TBC1D22A: variants seen among roughly 807,000 people sequenced by gnomAD.
The protein encoded by TBC1D22A is putative GTPase activator.
TBC1D22A carries 38 observed loss-of-function variants against 60.2 expected under a neutral mutation model. That is an observed-to-expected ratio of 0.63 (90% CI 0.49 to 0.83). The LOEUF is 0.83. Ranked by LOEUF, TBC1D22A falls within the 40% of genes least tolerant of loss-of-function variation. The probability of loss-of-function intolerance (pLI) is 0.00; values close to 1 mark genes in which losing one functional copy is unlikely to be tolerated. For synonymous variants in TBC1D22A, 302 were observed against 281.7 expected (o/e 1.07, Z -0.72); for missense variants, 628 against 701.0 (o/e 0.90, Z 1.18).
intron 11 of TBC1D22A, among the ~76,000 whole-genome samples, chr22:47,093,055 C>T (rs2065039126): frequency 6.6e-6 from 1 of 152,200 alleles, no homozygotes; most frequent in Non-Finnish European, 1.5e-5. Flanking sequence ...GTTAATCCTT[C>T]TTGCAACTTA....
intron 11 of TBC1D22A, among the ~76,000 whole-genome samples, chr22:47,099,458 T>G (rs1403090840): frequency 4.0e-5 from 6 of 150,988 alleles, no homozygotes; most frequent in Non-Finnish European, 8.9e-5. Flanking sequence ...TTGTTTTTTT[T>G]TTTTGAAACG....
chr22:47,075,081 C>T (rs773208440), intron 11 of TBC1D22A, among the ~76,000 whole-genome samples: 59 of 152,098 alleles, frequency 3.9e-4, no homozygotes, highest in Middle Eastern at 3.4e-3. Context: ...AAATTAGCCA[C>T]GCATGTTGGC....
At chr22:46,976,817 C>T (rs550511382) in intron 9 of TBC1D22A, among the ~76,000 whole-genome samples, 16 of 152,308 alleles carry the variant, frequency 1.1e-4, no homozygotes, top group South Asian at 8.3e-4. Context: ...GTTTGTTCAT[C>T]GGCTCTGTGG....
At chr22:47,037,225 A>AT (rs2062684848) in intron 11 of TBC1D22A, 27 bp downstream of exon 11, 8 of 1,610,168 alleles carry the variant, frequency 5.0e-6, no homozygotes, top group Non-Finnish European at 6.8e-6. Context: ...ACCCTCCGCC[A>AT]TGGGGGTGCC....
chr22:46,830,203 A>T (rs541983077), intron 4 of TBC1D22A, among the ~76,000 whole-genome samples: 1 of 152,296 alleles, frequency 6.6e-6, no homozygotes, highest in South Asian at 2.1e-4. Flanking sequence ...GAGGCGAGTG[A>T]CTGGAGGCAG....
In TBC1D22A at chr22:47,111,501, C is replaced by G. The variant is rs1443980636; in HGVS notation, c.1330-7C>G. ...AATTTCTCTCTTGGTTATTTTTTCT[C>G]TTTTAGTCTGAACCGGACGGCTTTT... is the stretch of plus-strand genomic sequence containing the variant. On this transcript the variant is annotated splice_region_variant and splice_polypyrimidine_tract_variant and intron_variant, in intron 11 of 12. Coordinates refer to ENST00000337137, the MANE Select transcript of TBC1D22A (RefSeq NM_014346.5). 2.5e-6 allele frequency: 4 copies of G among 1,611,086 alleles called. No individual in the cohort carries two copies. The African/African-American group carries it at 5.4e-5, about 22-fold the overall frequency.
chr22:46,942,052 C>G (rs2072205783), intron 8 of TBC1D22A, among the ~76,000 whole-genome samples: 1 of 147,394 alleles, frequency 6.8e-6, no homozygotes, highest in Admixed American at 6.8e-5. Context: ...ACACAGTCCA[C>G]CCTTGAACAG....
intron 12 of TBC1D22A, among the ~76,000 whole-genome samples, chr22:47,169,958 C>T (rs1003867135): frequency 5.9e-5 from 9 of 152,188 alleles, no homozygotes; most frequent in Non-Finnish European, 1.3e-4. Context: ...TGAATGTGAC[C>T]GAGGGATGGC....
intron 4 of TBC1D22A, among the ~76,000 whole-genome samples, chr22:46,817,214 A>G (rs1248223167): frequency 6.6e-6 from 1 of 151,536 alleles, no homozygotes; most frequent in African/African-American, 2.4e-5. Flanking sequence ...GATGAGTCCA[A>G]TTCCCTATTC....
chr22:46,913,522 C>T, intron 8 of TBC1D22A: 2 of 1,273,750 alleles, frequency 1.6e-6, no homozygotes, highest in East Asian at 5.6e-5. Context: ...CATTGCTAAG[C>T]AACTAATGAG....
chr22:46,932,068 G>A (rs1370858033), intron 8 of TBC1D22A, among the ~76,000 whole-genome samples: 1 of 152,218 alleles, frequency 6.6e-6, no homozygotes, highest in East Asian at 1.9e-4. Flanking sequence ...CCTGGCTCAT[G>A]CATGCCCCCA....
intron 11 of TBC1D22A, among the ~76,000 whole-genome samples, chr22:47,105,700 T>C (rs1603274067): frequency 6.6e-6 from 1 of 152,252 alleles, no homozygotes; most frequent in Non-Finnish European, 1.5e-5. Context: ...TTTGGTTTAA[T>C]GTAGTCTGGG....
chr22:47,056,811 A>C (rs555659284), intron 11 of TBC1D22A, among the ~76,000 whole-genome samples: 3 of 152,204 alleles, frequency 2.0e-5, no homozygotes, highest in Admixed American at 2.0e-4. Context: ...CAGGTTTCCT[A>C]GGGTGGTGGT....
At chr22:46,875,159 A>G (rs182454857) in intron 4 of TBC1D22A, among the ~76,000 whole-genome samples, 2 of 152,346 alleles carry the variant, frequency 1.3e-5, no homozygotes, top group East Asian at 3.9e-4. Context: ...CAGAAGTCTA[A>G]GAATGGGTGA....
At chr22:47,157,283 G>A (rs1439591857) in intron 12 of TBC1D22A, among the ~76,000 whole-genome samples, 1 of 152,232 alleles carries the variant, frequency 6.6e-6, no homozygotes, top group Non-Finnish European at 1.5e-5. Flanking sequence ...GTGAAGCCCT[G>A]TGGGACAGAG....
chr22:47,064,521 A>G lies in TBC1D22A; in HGVS notation c.1329+27323A>G, dbSNP rs181468845. Among the ~76,000 whole-genome samples the G allele has an allele frequency of 1.7e-4, 26 of 152,328 alleles. No homozygotes were observed. In the East Asian group the frequency reaches 5.0e-3, roughly 29 times the overall value. ...TGGTAGTACATTTTCAGAAAACATT[A>G]TTCCTTTTCTTACTGCTGCGAATGC... On this transcript the variant is annotated intron_variant, in intron 11 of 12. Transcript: ENST00000337137.
In TBC1D22A at chr22:47,070,318, A is replaced by G. The variant is rs2147506085; in HGVS notation, c.1329+33120A>G. Reference sequence around the variant, plus strand: ...GGAGCGGAGCTGACTTGATGGTTCCAGGCTGTTCCCTGTTGTTTGGTTGGA... The same window carrying G: ...GGAGCGGAGCTGACTTGATGGTTCCGGGCTGTTCCCTGTTGTTTGGTTGGA... On this transcript the variant is annotated intron_variant, in intron 11 of 12. Coordinates refer to ENST00000337137, the MANE Select transcript of TBC1D22A (RefSeq NM_014346.5). Among the ~76,000 whole-genome samples the G allele has an allele frequency of 1.4e-5, 2 of 145,580 alleles. 1 individual carries two copies. Among genetic ancestry groups the G allele is most frequent in the East Asian group, 4.2e-4 (2 of 4,768 alleles).
intron 11 of TBC1D22A, among the ~76,000 whole-genome samples, chr22:47,057,311 G>A (rs1331101945): frequency 6.6e-6 from 1 of 152,108 alleles, no homozygotes; most frequent in Non-Finnish European, 1.5e-5. Context: ...AGAAGTTCTT[G>A]CCTCCCACCC....
intron 8 of TBC1D22A, among the ~76,000 whole-genome samples, chr22:46,922,046 T>C (rs749172497): frequency 3.0e-4 from 45 of 152,236 alleles, no homozygotes; most frequent in Non-Finnish European, 8.8e-5. Flanking sequence ...AAGTCTTTAA[T>C]CTATCTTGAG....
Sources: allele counts gnomAD v4.1 joint callset (sites outside exome capture counted in the v4.1 genomes callset), GRCh38; gene constraint gnomAD v4.1.1; transcripts MANE v1.5; gene names NCBI Gene and HGNC (gene_info 2026-07-23, HGNC 2026-07-21).